The following PHACTR2 variants were observed in gnomAD, a reference collection of about 807,000 sequenced individuals.
The protein encoded by PHACTR2 is phosphatase and actin regulator 2, also known as chromosome 6 open reading frame 56.
Under a neutral mutation model 76.0 loss-of-function variants are expected in PHACTR2, and 30 were observed. That is an observed-to-expected ratio of 0.39 (90% CI 0.30 to 0.54). PHACTR2 has a LOEUF of 0.54. Among genes scored for constraint, PHACTR2 ranks in the 20% least tolerant of loss-of-function variants. The pLI is 0.61. For synonymous variants in PHACTR2, 292 were observed against 292.5 expected, an observed-to-expected ratio of 1.00 and a Z score of 0.02; for missense variants, 696 against 781.1, an observed-to-expected ratio of 0.89 and a Z score of 1.30.
Position 143,672,696 on chromosome 6 carries a change from C to A in PHACTR2, c.14-39320C>A, listed in dbSNP as rs78535705. 6.6e-6 allele frequency among the ~76,000 whole-genome samples: 1 copy of A among 151,964 alleles called. No homozygotes were observed. Among genetic ancestry groups the A allele is most frequent in the African/African-American group, 2.4e-5 (1 of 41,378 alleles). On this transcript the variant is annotated intron_variant, in intron 1 of 11. Transcript: ENST00000305766. This position sits in a 1 kb window ranked among gnomAD's most constrained non-coding sequence, Gnocchi z 5.8. ...TGGGCATCCCTAGCACTTGGAGGAA[C>A]AAACTTCTTCTTTTTTATTTTTATT...
intron 1 of PHACTR2, among the ~76,000 whole-genome samples, chr6:143,588,655 A>C (rs886419214): frequency 6.6e-6 from 1 of 152,238 alleles, no homozygotes; most frequent in Non-Finnish European, 1.5e-5. Context: ...TATGAGGATC[A>C]ACGAAACTAA....
rs1291923337 is a variant in PHACTR2 at position 143,819,123 on chromosome 6, AC to A, written c.1923-4547del. ...AGAGCTAACAAATAACTTCCTAGAT[AC>A]CCCTGTGTATATGTGTTCAGTGACT... On this transcript the variant is annotated intron_variant, in intron 12 of 12. Transcript: ENST00000440869. The surrounding 1 kb of genome is among the most constrained non-coding windows in gnomAD (Gnocchi z 5.0). Among the ~76,000 whole-genome samples, 2 of 152,234 alleles carry A rather than the reference AC, an allele frequency of 1.3e-5. No homozygotes were observed. The highest frequency in any genetic ancestry group is 4.1e-4 in the South Asian group (2 of 4,824).
In PHACTR2 at chr6:143,558,830, G is replaced by C. The variant is rs930009767; in HGVS notation, c.217+21623G>C. 3.9e-5 allele frequency among the ~76,000 whole-genome samples: 6 copies of C among 152,200 alleles called. No individual in the cohort carries two copies. Among genetic ancestry groups the C allele is most frequent in the Admixed American group, 1.3e-4 (2 of 15,280 alleles). ...GGATTTCAGGACCTTGCTGCAAACA[G>C]TGGACCAGTAATGGTGATTAGGTAG... On this transcript the variant is annotated intron_variant, in intron 1 of 11. Coordinates refer to the PHACTR2 transcript ENST00000367584. This position sits in a 1 kb window ranked among gnomAD's most constrained non-coding sequence, Gnocchi z 4.7.
Position 143,558,510 on chromosome 6 carries a change from A to G in PHACTR2, c.217+21303A>G, listed in dbSNP as rs1202363183. ...AAAAAAATTGAGTGTCAGATCTGTT[A>G]TGAGGATGAAATTAACTGTTTCCAT... On this transcript the variant is annotated intron_variant, in intron 1 of 11. Transcript: ENST00000367584. This position sits in a 1 kb window ranked among gnomAD's most constrained non-coding sequence, Gnocchi z 4.7. 1.3e-5 allele frequency among the ~76,000 whole-genome samples: 2 copies of G among 152,182 alleles called. No homozygotes were observed. The highest frequency in any genetic ancestry group is 4.8e-5 in the African/African-American group (2 of 41,454).
chr6:143,774,768 C>A lies in PHACTR2; in HGVS notation c.1589+553C>A, dbSNP rs1422769207. On this transcript the variant is annotated intron_variant, in intron 8 of 12. Coordinates refer to ENST00000440869, the MANE Select transcript of PHACTR2 (RefSeq NM_001100164.2). The surrounding 1 kb of genome is among the most constrained non-coding windows in gnomAD (Gnocchi z 5.4). ...TCCATCCAAGTCAGGTAGCCTTAAC[C>A]CTCATATCTGAACATCCCTCTTCCA... Among the ~76,000 whole-genome samples, 1 of 152,108 alleles carries A rather than the reference C, an allele frequency of 6.6e-6. No homozygotes were observed. The highest frequency in any genetic ancestry group is 1.5e-5 in the Non-Finnish European group (1 of 68,008).
At chr6:143,771,443 T>A (rs1048210931) in intron 6 of PHACTR2, among the ~76,000 whole-genome samples, 2 of 150,704 alleles carry the variant, frequency 1.3e-5, no homozygotes, top group Non-Finnish European at 2.9e-5. Flanking sequence ...TTATTTAATT[T>A]ATTTATTTTT....
chr6:143,584,793 A>G (rs560189600), intron 1 of PHACTR2, among the ~76,000 whole-genome samples: 1 of 152,218 alleles, frequency 6.6e-6, no homozygotes, highest in East Asian at 1.9e-4. Flanking sequence ...GGTTAGAAGG[A>G]GTGGCTGAGT....
At chr6:143,758,388 T>G (rs1378849874) in intron 4 of PHACTR2, among the ~76,000 whole-genome samples, 2 of 152,200 alleles carry the variant, frequency 1.3e-5, no homozygotes, top group Non-Finnish European at 2.9e-5. Flanking sequence ...GGTATTATAC[T>G]GGGGGCTAAA....
intron 1 of PHACTR2, among the ~76,000 whole-genome samples, chr6:143,706,539 T>C (rs1778058309): frequency 6.6e-6 from 1 of 152,202 alleles, no homozygotes; most frequent in African/African-American, 2.4e-5. Flanking sequence ...TCTCCAGTAG[T>C]GAGAAACCTG....
Position 143,572,833 on chromosome 6 carries a change from A to G in PHACTR2, c.217+35626A>G, listed in dbSNP as rs185218191. ...CTCCCAAAGTGCTGGGATTACAGGC[A>G]TGAGCCACCGTGCCCAGCCAACAGT... On this transcript the variant is annotated intron_variant, in intron 1 of 11. Coordinates refer to the PHACTR2 transcript ENST00000367584. Among the ~76,000 whole-genome samples the G allele has an allele frequency of 1.7e-3, 255 of 152,320 alleles. 2 individuals are homozygous for G. The highest frequency in any genetic ancestry group is 3.8e-3 in the Admixed American group (58 of 15,302).
rs1341873446 is a variant in PHACTR2 at position 143,822,089 on chromosome 6, T to A, written c.1923-1585T>A. ...GGGCAAGTGATTGAAATGGAGAGTA[T>A]TTGGAAGCAGTGATAGAGATATAGC... On this transcript the variant is annotated intron_variant, in intron 12 of 12. Coordinates refer to ENST00000440869, the MANE Select transcript of PHACTR2 (RefSeq NM_001100164.2). This position sits in a 1 kb window ranked among gnomAD's most constrained non-coding sequence, Gnocchi z 5.5. Among the ~76,000 whole-genome samples the A allele has an allele frequency of 1.3e-5, 2 of 152,104 alleles. No homozygotes were observed. The highest frequency in any genetic ancestry group is 4.8e-5 in the African/African-American group (2 of 41,416).
At position 143,801,778 on chromosome 6, in the gene PHACTR2, A is replaced by G. The variant is rs1438909418; in HGVS notation, c.1846-5279A>G. 6.6e-6 allele frequency among the ~76,000 whole-genome samples: 1 copy of G among 152,146 alleles called. No individual in the cohort carries two copies. The highest frequency in any genetic ancestry group is 1.5e-5 in the Non-Finnish European group (1 of 68,022). On this transcript the variant is annotated intron_variant, in intron 11 of 12. Coordinates refer to ENST00000440869, the MANE Select transcript of PHACTR2 (RefSeq NM_001100164.2). The surrounding 1 kb of genome is among the most constrained non-coding windows in gnomAD (Gnocchi z 4.6). ...TGTGATCCTTTGGAGGAGAAGAGGC[A>G]TTCTGGTTTTTGGAATTTTCAGCCT...
rs1019321313 is a variant in PHACTR2, at chr6:143,709,458, G to C, written c.47-2558G>C. On this transcript the variant is annotated intron_variant, in intron 1 of 12. Transcript: ENST00000440869. This position sits in a 1 kb window ranked among gnomAD's most constrained non-coding sequence, Gnocchi z 4.4. ...TCTTCATTCAGTTTGAGATTTTCCT[G>C]GTTCTTAGTGTGTCAAGTGATTTTC... Among the ~76,000 whole-genome samples the C allele has an allele frequency of 6.6e-6, 1 of 152,150 alleles. No individual in the cohort carries two copies. Among genetic ancestry groups the C allele is most frequent in the African/African-American group, 2.4e-5 (1 of 41,440 alleles).
In PHACTR2 at chr6:143,625,466, C is replaced by T. The variant is rs1348774668; in HGVS notation, c.13+17144C>T. The stretch of plus-strand genomic sequence containing the variant: ...TTAAGCCACATACCGTGAAAATAAA[C>T]TACTCACAACATCAAAAAGGATAAT... On this transcript the variant is annotated intron_variant, in intron 1 of 11. Transcript: ENST00000305766. This position sits in a 1 kb window ranked among gnomAD's most constrained non-coding sequence, Gnocchi z 4.3. Among the ~76,000 whole-genome samples the T allele has an allele frequency of 6.6e-6, 1 of 152,036 alleles. No individual in the cohort carries two copies. The highest frequency in any genetic ancestry group is 1.9e-4 in the East Asian group (1 of 5,194).
chr6:143,825,562 T>C lies in PHACTR2; in HGVS notation c.*1873T>C, dbSNP rs763317903. 1 of 152,186 alleles carries C rather than the reference T, an allele frequency of 6.6e-6. No individual in the cohort carries two copies. Among genetic ancestry groups the C allele is most frequent in the Non-Finnish European group, 1.5e-5 (1 of 68,030 alleles). 9.4% of individuals were successfully genotyped at this position (152,186 alleles called of 1,614,324 possible). Reference sequence around the variant, plus strand: ...GCATGCCCAGGTGTCTGTCTCTGGCTGAGGTTTTGTCTATTTTACAGTGTT... The same window carrying C: ...GCATGCCCAGGTGTCTGTCTCTGGCCGAGGTTTTGTCTATTTTACAGTGTT... On this transcript the variant is annotated 3_prime_UTR_variant, in exon 13 of 13. Coordinates refer to ENST00000440869, the MANE Select transcript of PHACTR2 (RefSeq NM_001100164.2). This position sits in a 1 kb window ranked among gnomAD's most constrained non-coding sequence, Gnocchi z 4.1.
At position 143,598,365 on chromosome 6, in the gene PHACTR2, G is replaced by A. The variant is rs1336664877; in HGVS notation, c.217+61158G>A. 6.6e-6 allele frequency among the ~76,000 whole-genome samples: 1 copy of A among 152,118 alleles called. No individual in the cohort carries two copies. On this transcript the variant is annotated intron_variant, in intron 1 of 11. Coordinates refer to the PHACTR2 transcript ENST00000367584. This position sits in a 1 kb window ranked among gnomAD's most constrained non-coding sequence, Gnocchi z 4.1. ...AAGAATGCAACTGAGCCTAGGAGGT[G>A]GAAGAGACCAAGCCAGAGCCTCCAG... is the stretch of plus-strand genomic sequence containing the variant.
At position 143,689,754 on chromosome 6, in the gene PHACTR2, C is replaced by T. The variant is rs1777599675; in HGVS notation, c.46+11545C>T. 6.6e-6 allele frequency among the ~76,000 whole-genome samples: 1 copy of T among 150,516 alleles called. No homozygotes were observed. Among genetic ancestry groups the T allele is most frequent in the African/African-American group, 2.5e-5 (1 of 40,634 alleles). ...GTTGCCCAGGCTGGAGTGCAGTGGC[C>T]TGATTTCAGCTCACTGCAACCTCCG... On this transcript the variant is annotated intron_variant, in intron 1 of 12. Transcript: ENST00000440869. The surrounding 1 kb of genome is among the most constrained non-coding windows in gnomAD (Gnocchi z 4.4).
chr6:143,810,961 A>G (rs9399463), intron 12 of PHACTR2, among the ~76,000 whole-genome samples: 61,324 of 151,964 alleles, frequency 0.4, 12,693 homozygotes, highest in African/African-American at 0.5. Context: ...TTTCCAATTT[A>G]TTGTTAACTT....
chr6:143,797,379 T>C (rs1343329165), intron 11 of PHACTR2, among the ~76,000 whole-genome samples: 1 of 152,258 alleles, frequency 6.6e-6, no homozygotes, highest in Non-Finnish European at 1.5e-5. Context: ...ACTCTGGTGA[T>C]AATTTCTTTT....
Sources: allele counts gnomAD v4.1 joint callset (sites outside exome capture counted in the v4.1 genomes callset), GRCh38; gene constraint gnomAD v4.1.1; non-coding constraint Gnocchi (gnomAD v3.1); transcripts MANE v1.5; gene names NCBI Gene and HGNC (gene_info 2026-07-23, HGNC 2026-07-21).